Variants in ZNF562 observed in about 807,000 individuals in gnomAD.
ZNF562 encodes zinc finger protein 562.
ZNF562 carries 13 observed loss-of-function variants against 17.5 expected under a neutral mutation model. The observed-to-expected ratio is 0.74, with a 90% CI of 0.48 to 1.18. The LOEUF (loss-of-function observed/expected upper bound fraction) is 1.18, where lower values mean the gene tolerates loss of function less well. Ranked by LOEUF, ZNF562 falls within the 50% of genes most tolerant of loss-of-function variation. The pLI, the probability that ZNF562 is intolerant of heterozygous loss-of-function variation, is 0.00. For missense variants in ZNF562, 481 were observed against 498.5 expected, an observed-to-expected ratio of 0.96 and a Z score of 0.33; for synonymous variants, 163 against 165.4, an observed-to-expected ratio of 0.99 and a Z score of 0.11.
At chr19:9,667,749 C>T (rs989173344) in intron 1 of ZNF562, among the ~76,000 whole-genome samples, 3 of 151,710 alleles carry the variant, frequency 2.0e-5, no homozygotes, top group Non-Finnish European at 4.4e-5. Context: ...TGTGACAATG[C>T]TAACTTTTTT....
At chr19:9,664,251 TAG>T (rs1449759197) in intron 1 of ZNF562, among the ~76,000 whole-genome samples, 1 of 152,184 alleles carries the variant, frequency 6.6e-6, no homozygotes, top group Non-Finnish European at 1.5e-5. Context: ...GTGTTTTTAG[TAG>T]AGACTGTGTT....
intron 1 of ZNF562, among the ~76,000 whole-genome samples, chr19:9,665,667 T>A (rs1353119794): frequency 2.0e-5 from 3 of 152,190 alleles, no homozygotes; most frequent in African/African-American, 4.8e-5. Flanking sequence ...ATGGGCAGTA[T>A]TCTTGACTGT....
intron 1 of ZNF562, among the ~76,000 whole-genome samples, chr19:9,670,240 A>C (rs549948873): frequency 6.4e-4 from 97 of 152,258 alleles, no homozygotes; most frequent in Non-Finnish European, 1.0e-3. Context: ...CTATCTCAAA[A>C]AAAACAAAAC....
Position 9,652,983 on chromosome 19 carries a change from C to A in ZNF562, c.1247G>T (p.Ser416Ile), listed in dbSNP as rs2074892989. The A allele has an allele frequency of 6.6e-7, 1 of 1,512,714 alleles. No homozygotes were observed. The highest frequency in any genetic ancestry group is 8.8e-7 in the Non-Finnish European group (1 of 1,131,646). 93.7% of individuals were successfully genotyped at this position (1,512,714 alleles called of 1,614,324 possible). A position where few individuals can be genotyped will look rare whatever the true frequency, so the allele number is the denominator to read the frequency against. Residue 416 changes from serine to isoleucine, a missense_variant, in exon 6 of 6, where the codon AGT becomes ATT. Ser to Ile is a moderately radical substitution (Grantham distance 142). Around this residue, in one of 2 missense-constraint regions of ZNF562, gnomAD observed 78 missense variants for 112.0 expected, o/e 0.70. Coordinates refer to ENST00000453372, the MANE Select transcript of ZNF562 (RefSeq NM_001130031.2). ...TCCACTGTGAGTTTTCAAATGTTTA[C>A]TACGATGGGAAGAAGTAATGAAGGT... is the stretch of plus-strand genomic sequence containing the variant. ...GKTFITSSHR[S>I]KHLKTHSGER
At chr19:9,656,105 A>G (rs889874613) in intron 5 of ZNF562, among the ~76,000 whole-genome samples, 3 of 152,016 alleles carry the variant, frequency 2.0e-5, no homozygotes, top group Non-Finnish European at 4.4e-5. Flanking sequence ...TCAAATGATG[A>G]TCCCACCTCA....
chr19:9,669,726 GCGCGCGCGCACACA>G (rs1265877824), intron 1 of ZNF562, among the ~76,000 whole-genome samples: 30 of 85,082 alleles, frequency 3.5e-4, no homozygotes, highest in African/African-American at 1.3e-3. Flanking sequence ...GAGCGCGCGC[GCGCGCGCGCACACA>G]CACACACACA....
intron 1 of ZNF562, among the ~76,000 whole-genome samples, chr19:9,662,818 C>G (rs1301255875): frequency 6.6e-6 from 1 of 151,722 alleles, no homozygotes; most frequent in Non-Finnish European, 1.5e-5. Context: ...GTCAGGAGTT[C>G]AAGATCAGCC....
At position 9,653,502 on chromosome 19, in the gene ZNF562, G is replaced by A. The variant is rs1348632115; in HGVS notation, c.728C>T (p.Thr243Ile). 2 of 1,614,060 alleles carry A rather than the reference G, an allele frequency of 1.2e-6. No homozygotes were observed. The highest frequency in any genetic ancestry group is 1.7e-6 in the Non-Finnish European group (2 of 1,180,018). The change falls in exon 6 of 6, where the codon ACT (threonine) becomes ATT (isoleucine). Residue 243 changes from threonine (T) to isoleucine (I), a missense_variant. Thr to Ile is a moderately conservative substitution (Grantham distance 89, BLOSUM62 -1). Transcript: ENST00000453372. ...EFQECERAIT[T>I]SSHLKQCVAV... ...TACACACTGCTTTAAGTGTGAGGAA[G>A]TTGTGATGGCTCTCTCACATTCCTG...
rs1445700970 is a variant in ZNF562 at position 9,648,635 on chromosome 19, A to T, written c.*4314T>A. ...ATTTGTTTTAGAAAAGCGCCTTTCCATGCATTCACTTCTTCAAGTTTTTTT... is the reference window on the plus strand; with the variant it reads ...ATTTGTTTTAGAAAAGCGCCTTTCCTTGCATTCACTTCTTCAAGTTTTTTT... On this transcript the variant is annotated 3_prime_UTR_variant, in exon 6 of 6. Transcript: ENST00000453372. 1 of 147,670 alleles carries T rather than the reference A, an allele frequency of 6.8e-6. No homozygotes were observed. Among genetic ancestry groups the T allele is most frequent in the African/African-American group, 2.5e-5 (1 of 40,098 alleles). 9.1% of individuals were successfully genotyped at this position (147,670 alleles called of 1,614,324 possible). A position where few individuals can be genotyped will look rare whatever the true frequency, so the allele number is the denominator to read the frequency against.
Position 9,650,146 on chromosome 19 carries a change from C to G in ZNF562, c.*2803G>C, listed in dbSNP as rs960340941. ...GCATATCTCACCAGAACTGCAAAGA[C>G]AAGTATGCTGGTATTACTACTTTTA... On this transcript the variant is annotated 3_prime_UTR_variant, in exon 6 of 6. Coordinates refer to ENST00000453372, the MANE Select transcript of ZNF562 (RefSeq NM_001130031.2). 1 of 152,046 alleles carries G rather than the reference C, an allele frequency of 6.6e-6. No homozygotes were observed. The highest frequency in any genetic ancestry group is 1.5e-5 in the Non-Finnish European group (1 of 68,026). The allele number at this position is 152,046 out of a possible 1,614,324, so 9.4% of individuals were successfully genotyped here.
At position 9,647,085 on chromosome 19, in the gene ZNF562, CT is replaced by C. The variant is rs59673910; in HGVS notation, c.*5863del. 1,149 of 126,602 alleles carry C rather than the reference CT, an allele frequency of 9.1e-3. 21 individuals are homozygous for C. The highest frequency in any genetic ancestry group is 0.026 in the African/African-American group (919 of 34,736). 7.8% of individuals were successfully genotyped at this position (126,602 alleles called of 1,614,324 possible). A position where few individuals can be genotyped will look rare whatever the true frequency, so the allele number is the denominator to read the frequency against. On this transcript the variant is annotated 3_prime_UTR_variant, in exon 6 of 6. Coordinates refer to ENST00000453372, the MANE Select transcript of ZNF562 (RefSeq NM_001130031.2). ...GAAGCACCGTGCCCAACCTAGTTGT[CT>C]TTTTTTTTTTTTTTGAGACGGATTC...
intron 1 of ZNF562, chr19:9,674,764 A>G (rs778572259): frequency 6.6e-6 from 1 of 152,262 alleles, no homozygotes; most frequent in Non-Finnish European, 1.5e-5. Context: ...CAAGCTTTTC[A>G]AGAGAGGAGC....
intron 1 of ZNF562, among the ~76,000 whole-genome samples, chr19:9,668,240 T>C (rs2044024489): frequency 6.6e-6 from 1 of 151,776 alleles, no homozygotes; most frequent in Non-Finnish European, 1.5e-5. Context: ...CCAGGCATGA[T>C]GGCACACACC....
chr19:9,658,694 C>T (rs572156120), intron 3 of ZNF562, among the ~76,000 whole-genome samples: 46 of 151,910 alleles, frequency 3.0e-4, no homozygotes, highest in African/African-American at 1.0e-3. Context: ...TTTGTCTGAT[C>T]TATTTATTTT....
chr19:9,673,253 G>C (rs1194154922), intron 1 of ZNF562, among the ~76,000 whole-genome samples: 2 of 152,138 alleles, frequency 1.3e-5, no homozygotes, highest in Non-Finnish European at 2.9e-5. Context: ...CAGAAGTAGG[G>C]ACCCAGCGTT....
intron 1 of ZNF562, among the ~76,000 whole-genome samples, chr19:9,673,841 A>G (rs974123242): frequency 6.6e-6 from 1 of 152,026 alleles, no homozygotes; most frequent in South Asian, 2.1e-4. Flanking sequence ...CCCCATCTCT[A>G]CCAAAAATAT....
intron 4 of ZNF562, 73 bp from the exon 5 acceptor site, chr19:9,656,726 T>G (rs1275439301): frequency 2.0e-6 from 3 of 1,514,652 alleles, no homozygotes; most frequent in African/African-American, 1.4e-5. Flanking sequence ...AAACACAGTA[T>G]GAAAATAAAA....
Position 9,658,045 on chromosome 19 carries a change from C to G in ZNF562, c.205G>C (p.Val69Leu). 1.2e-6 allele frequency: 2 copies of G among 1,613,488 alleles called. No individual in the cohort carries two copies. Among genetic ancestry groups the G allele is most frequent in the South Asian group, 1.1e-5 (1 of 90,920 alleles). ...DTTQKYLYRD[V>L]MLENYMNLAS... ...AGGTTCATGTAGTTCTCCAGCATCA[C>G]ATCTCTGTAGAGGTATTTCTGAGTT... Residue 69 changes from valine (V) to leucine (L), a missense_variant, in exon 4 of 6, where the codon GTG becomes CTG. By Grantham distance (32) the Val-to-Leu change is conservative. Transcript: ENST00000453372.
rs1414854854 is a variant in ZNF562 at position 9,652,136 on chromosome 19, C to G, written c.*813G>C. 6.6e-6 allele frequency: 1 copy of G among 152,144 alleles called. No individual in the cohort carries two copies. Among genetic ancestry groups the G allele is most frequent in the Non-Finnish European group, 1.5e-5 (1 of 68,038 alleles). 9.4% of individuals were successfully genotyped at this position (152,144 alleles called of 1,614,324 possible). On this transcript the variant is annotated 3_prime_UTR_variant, in exon 6 of 6. Coordinates refer to ENST00000453372, the MANE Select transcript of ZNF562 (RefSeq NM_001130031.2). ...TCATGGACTATATCAGCCATCTTAA[C>G]AGAAGTGAGAAGAGAGACTGGATTA...
Sources: gnomAD v4.1 joint callset for allele counts (sites outside exome capture counted in the v4.1 genomes callset) on GRCh38, gnomAD v4.1.1 for gene constraint, gnomAD v4.1.1 regional missense constraint, MANE v1.5 for transcripts, NCBI Gene and HGNC (gene_info 2026-07-23, HGNC 2026-07-21) for gene names.